The following KLHL1 variants were observed in gnomAD, a reference collection of about 807,000 sequenced individuals.
KLHL1 encodes kelch like family member 1.
Under a neutral mutation model 77.7 loss-of-function variants are expected in KLHL1, and 47 were observed. The ratio of observed to expected loss-of-function variants is 0.60; its 90% CI spans 0.48 to 0.77. The LOEUF (loss-of-function observed/expected upper bound fraction) is 0.77. KLHL1 is among the 30% of genes least tolerant of loss of function. KLHL1 has a pLI of 0.00. For missense variants in KLHL1, 925 were observed against 910.8 expected (o/e 1.02, Z -0.20); for synonymous variants, 360 against 325.2 (o/e 1.11, Z -1.15).
chr13:70,074,503 C>G lies in KLHL1; in HGVS notation c.497+32700G>C, dbSNP rs968135150. 9.9e-5 allele frequency among the ~76,000 whole-genome samples: 15 copies of G among 152,058 alleles called. 1 individual carries two copies. Among genetic ancestry groups the G allele is most frequent in the Non-Finnish European group, 2.9e-5 (2 of 68,004 alleles). On this transcript the variant is annotated intron_variant, in intron 1 of 10. Transcript: ENST00000377844. ...CACCACTGATTGATTATCGTCCACC[C>G]AAGAGATTCCAAGAGGGCATTCCAA...
At chr13:69,856,160 T>C (rs1412777060) in intron 5 of KLHL1, among the ~76,000 whole-genome samples, 4 of 151,838 alleles carry the variant, frequency 2.6e-5, no homozygotes, top group Non-Finnish European at 2.9e-5. Flanking sequence ...TATCTTCTTC[T>C]GAAGCAAAGG....
intron 1 of KLHL1, among the ~76,000 whole-genome samples, chr13:70,076,827 A>C (rs893591228): frequency 1.3e-5 from 2 of 152,032 alleles, no homozygotes; most frequent in Non-Finnish European, 2.9e-5. Flanking sequence ...AGTTAACAAA[A>C]GATTTGAACC....
chr13:69,981,386 G>GT lies in KLHL1; in HGVS notation c.498-5585dup, dbSNP rs544408525. 7.3e-5 allele frequency among the ~76,000 whole-genome samples: 11 copies of GT among 151,194 alleles called. 1 individual carries two copies. Among genetic ancestry groups the GT allele is most frequent in the Middle Eastern group, 3.5e-3 (1 of 288 alleles). The stretch of plus-strand genomic sequence containing the variant: ...AAACGGCAAAATAAATTTGAAAGCA[G>GT]TTTTTTTTTCTAAGTGATAAGAGTT... On this transcript the variant is annotated intron_variant, in intron 1 of 10. Transcript: ENST00000377844.
intron 6 of KLHL1, among the ~76,000 whole-genome samples, chr13:69,823,383 G>A (rs538959373): frequency 8.5e-5 from 13 of 152,122 alleles, no homozygotes; most frequent in African/African-American, 3.1e-4. Context: ...TGAATATCAT[G>A]CACCCAAAGG....
At chr13:70,068,365 AAAAAC>A (rs750025965) in intron 1 of KLHL1, among the ~76,000 whole-genome samples, 46 of 106,930 alleles carry the variant, frequency 4.3e-4, no homozygotes, top group African/African-American at 1.5e-3. Flanking sequence ...AAACAAAAAC[AAAAAC>A]AAAAAAAAAG....
At chr13:69,764,278 T>G (rs1255824764) in intron 7 of KLHL1, among the ~76,000 whole-genome samples, 1 of 152,210 alleles carries the variant, frequency 6.6e-6, no homozygotes, top group African/African-American at 2.4e-5. Context: ...TCAAGTTGTT[T>G]CCATACACTG....
chr13:69,739,075 A>G (rs1873879304), intron 8 of KLHL1, among the ~76,000 whole-genome samples: 1 of 152,202 alleles, frequency 6.6e-6, no homozygotes, highest in African/African-American at 2.4e-5. Flanking sequence ...CCTATAAACC[A>G]GAAGAGACTG....
At chr13:69,855,353 C>G (rs78235439) in intron 5 of KLHL1, among the ~76,000 whole-genome samples, 4,413 of 104,520 alleles carry the variant, frequency 0.042, 102 homozygotes, top group African/African-American at 0.068. Flanking sequence ...GATAGACAGA[C>G]AGATAGATAC....
intron 5 of KLHL1, among the ~76,000 whole-genome samples, chr13:69,855,293 TAGA>T (rs1879843226): frequency 4.5e-4 from 3 of 6,678 alleles, no homozygotes; most frequent in East Asian, 0.016. Flanking sequence ...TAATTTTAGA[TAGA>T]TAGATAGATA....
At chr13:70,059,157 C>CTTTT (rs58877477) in intron 1 of KLHL1, among the ~76,000 whole-genome samples, 3 of 139,348 alleles carry the variant, frequency 2.2e-5, no homozygotes, top group Non-Finnish European at 4.7e-5. Context: ...AATATTTCTT[C>CTTTT]TTTTTTTTTT....
intron 4 of KLHL1, among the ~76,000 whole-genome samples, chr13:69,883,605 C>T (rs1881084814): frequency 1.3e-5 from 2 of 152,162 alleles, no homozygotes; most frequent in African/African-American, 4.8e-5. Context: ...CTGTAAGACC[C>T]TGATTTATAT....
intron 7 of KLHL1, among the ~76,000 whole-genome samples, chr13:69,793,078 A>G (rs73504065): frequency 0.24 from 36,482 of 151,896 alleles, 4,480 homozygotes; most frequent in South Asian, 0.32. Context: ...AACAACCCCT[A>G]CCATATATTT....
chr13:69,823,373 T>C (rs1878416368), intron 6 of KLHL1, among the ~76,000 whole-genome samples: 1 of 152,060 alleles, frequency 6.6e-6, no homozygotes, highest in South Asian at 2.1e-4. Flanking sequence ...TTAAAATAAG[T>C]GAATATCATG....
chr13:69,833,622 A>G (rs571194511), intron 6 of KLHL1, among the ~76,000 whole-genome samples: 24 of 151,938 alleles, frequency 1.6e-4, no homozygotes, highest in Non-Finnish European at 3.2e-4. Flanking sequence ...ACCTAGATTC[A>G]AAGAAGTCAT....
chr13:69,951,449 A>G (rs536405898), intron 3 of KLHL1, among the ~76,000 whole-genome samples: 2 of 151,688 alleles, frequency 1.3e-5, no homozygotes, highest in Admixed American at 1.3e-4. Flanking sequence ...ACCAGGTTAT[A>G]CTGAAGTTAT....
At chr13:69,814,001 A>G (rs1032374346) in intron 6 of KLHL1, among the ~76,000 whole-genome samples, 3 of 152,188 alleles carry the variant, frequency 2.0e-5, no homozygotes, top group Non-Finnish European at 4.4e-5. Context: ...AAATTATACT[A>G]TAAGGCTACA....
At chr13:69,942,926 C>A (rs775728919) in intron 3 of KLHL1, among the ~76,000 whole-genome samples, 32 of 152,056 alleles carry the variant, frequency 2.1e-4, no homozygotes, top group Non-Finnish European at 4.1e-4. Context: ...TTATATGTTA[C>A]ATTTACTTGT....
In KLHL1 at chr13:70,066,268, T is replaced by C. The variant is rs1477161551; in HGVS notation, c.497+40935A>G. Among the ~76,000 whole-genome samples the C allele has an allele frequency of 2.0e-5, 3 of 152,200 alleles. No homozygotes were observed. In the East Asian group the frequency reaches 5.8e-4, roughly 29 times the overall value. ...TTAAGCAAGGGTAAAGTTACTAATT[T>C]AGTCTGTCTAAGTCATCTAGCAATG... On this transcript the variant is annotated intron_variant, in intron 1 of 10. Coordinates refer to ENST00000377844, the MANE Select transcript of KLHL1 (RefSeq NM_020866.3).
At chr13:69,971,834 C>T (rs1033375713) in intron 2 of KLHL1, among the ~76,000 whole-genome samples, 1 of 152,018 alleles carries the variant, frequency 6.6e-6, no homozygotes, top group Non-Finnish European at 1.5e-5. Context: ...GCATCATCAA[C>T]AGGGCATAGG....
Sources: allele counts gnomAD v4.1 joint callset (sites outside exome capture counted in the v4.1 genomes callset), GRCh38; gene constraint gnomAD v4.1.1; transcripts MANE v1.5; gene names NCBI Gene and HGNC (gene_info 2026-07-23, HGNC 2026-07-21).